The following ASB3 variants were observed in gnomAD, a reference collection of about 807,000 sequenced individuals.
ASB3 encodes ankyrin repeat and SOCS box protein 3.
Under a neutral mutation model 54.5 loss-of-function variants are expected in ASB3, and 41 were observed. That is an observed-to-expected ratio of 0.75 (90% confidence interval 0.59 to 0.98). ASB3 has a LOEUF of 0.98. Among genes scored for constraint, ASB3 ranks in the 50% least tolerant of loss-of-function variants. ASB3 has a pLI of 0.00. For missense variants in ASB3, 733 were observed against 620.0 expected (o/e 1.18, Z -1.94); for synonymous variants, 266 against 221.2 (o/e 1.20, Z -1.80).
intron 8 of ASB3, 96 bp from the exon 9 acceptor site, chr2:53,694,110 A>C: frequency 7.0e-7 from 1 of 1,430,160 alleles, no homozygotes; most frequent in Non-Finnish European, 9.5e-7. Flanking sequence ...ACAAAATCTC[A>C]ATGAGGAGGG....
chr2:53,734,840 C>T (rs568299618), intron 3 of ASB3, among the ~76,000 whole-genome samples: 3 of 152,022 alleles, frequency 2.0e-5, no homozygotes, highest in Non-Finnish European at 4.4e-5. Flanking sequence ...TTCTATCCTA[C>T]TATTTCAGAA....
chr2:53,781,393 C>G (rs886386567), intron 1 of ASB3, among the ~76,000 whole-genome samples: 2 of 141,688 alleles, frequency 1.4e-5, no homozygotes, highest in African/African-American at 2.6e-5. Flanking sequence ...GTCTAGGCAA[C>G]AAAGTGAGAC....
At chr2:53,774,247 A>T in intron 1 of ASB3, 5 of 1,614,154 alleles carry the variant, frequency 3.1e-6, no homozygotes, top group Non-Finnish European at 4.2e-6. Flanking sequence ...CACAACAGTC[A>T]TTTTTTATCC....
At chr2:53,686,672 C>T (rs1317138077) in intron 9 of ASB3, among the ~76,000 whole-genome samples, 4 of 151,008 alleles carry the variant, frequency 2.6e-5, no homozygotes, top group Non-Finnish European at 5.9e-5. Context: ...TAAAAAAAAA[C>T]ACCTCTGTTT....
At chr2:53,774,289 T>C (rs1674171423) in intron 1 of ASB3, 10 of 1,614,136 alleles carry the variant, frequency 6.2e-6, no homozygotes, top group Non-Finnish European at 8.5e-6. Context: ...ATTCAGTGTA[T>C]TGCTATATAT....
At chr2:53,769,460 T>G (rs1053979486) in intron 1 of ASB3, among the ~76,000 whole-genome samples, 1 of 152,250 alleles carries the variant, frequency 6.6e-6, no homozygotes. Context: ...ATGTACAGTG[T>G]GTTACAAAAC....
intron 8 of ASB3, among the ~76,000 whole-genome samples, chr2:53,699,268 C>G (rs530517805): frequency 6.6e-6 from 1 of 152,230 alleles, no homozygotes; most frequent in Admixed American, 6.5e-5. Flanking sequence ...AATATCTCAC[C>G]TCCAAATATC....
chr2:53,735,350 A>G (rs1407726881), intron 3 of ASB3, among the ~76,000 whole-genome samples: 1 of 152,162 alleles, frequency 6.6e-6, no homozygotes, highest in African/African-American at 2.4e-5. Flanking sequence ...ATACCTGCCA[A>G]GTATTTCCAT....
At chr2:53,752,344 G>A (rs1672561716) in intron 2 of ASB3, among the ~76,000 whole-genome samples, 1 of 152,138 alleles carries the variant, frequency 6.6e-6, no homozygotes. Context: ...AAGGTGAGGA[G>A]AGCAGAATTT....
chr2:53,703,494 G>C (rs982975084), intron 7 of ASB3, among the ~76,000 whole-genome samples: 1 of 152,148 alleles, frequency 6.6e-6, no homozygotes, highest in Non-Finnish European at 1.5e-5. Flanking sequence ...GGCACCTTAG[G>C]AGGCCAAGGC....
intron 5 of ASB3, among the ~76,000 whole-genome samples, chr2:53,721,887 G>C (rs1670733000): frequency 6.6e-6 from 1 of 151,740 alleles, no homozygotes; most frequent in African/African-American, 2.4e-5. Flanking sequence ...TCCATACAAA[G>C]GATCAATGAA....
chr2:53,767,656 A>C (rs1368266498), intron 1 of ASB3: 1 of 555,596 alleles, frequency 1.8e-6, no homozygotes, highest in Non-Finnish European at 3.2e-6. Flanking sequence ...ATTGCTTACT[A>C]CACCGAAGGT....
At chr2:53,735,937 AC>A (rs1192642648) in intron 3 of ASB3, among the ~76,000 whole-genome samples, 2 of 151,496 alleles carry the variant, frequency 1.3e-5, no homozygotes, top group Non-Finnish European at 2.9e-5. Context: ...CCCACACAAT[AC>A]CCAATTTCAG....
intron 1 of ASB3, among the ~76,000 whole-genome samples, chr2:53,777,857 G>C (rs576665530): frequency 1.3e-5 from 2 of 152,176 alleles, no homozygotes; most frequent in South Asian, 4.1e-4. Flanking sequence ...AAAAGTGTAA[G>C]CAATCTTGGC....
chr2:53,749,974 G>GT (rs1273202610), intron 3 of ASB3, among the ~76,000 whole-genome samples: 1 of 152,020 alleles, frequency 6.6e-6, no homozygotes, highest in Non-Finnish European at 1.5e-5. Flanking sequence ...AGGAAAAAAA[G>GT]TACTTTCACA....
At chr2:53,718,666 A>G (rs568537700) in intron 5 of ASB3, among the ~76,000 whole-genome samples, 1 of 152,202 alleles carries the variant, frequency 6.6e-6, no homozygotes, top group Non-Finnish European at 1.5e-5. Context: ...TCACATATCA[A>G]TATTAACCTT....
intron 1 of ASB3, among the ~76,000 whole-genome samples, chr2:53,782,531 T>G (rs1674707228): frequency 6.6e-6 from 1 of 152,186 alleles, no homozygotes; most frequent in Non-Finnish European, 1.5e-5. Context: ...CCACAGCCCT[T>G]TACACACAAA....
At chr2:53,708,915 C>T (rs1669940280) in intron 7 of ASB3, among the ~76,000 whole-genome samples, 1 of 152,170 alleles carries the variant, frequency 6.6e-6, no homozygotes, top group African/African-American at 2.4e-5. Flanking sequence ...AATGTTGGAA[C>T]TTACATTTAA....
At chr2:53,695,042 A>C (rs1385977778) in intron 8 of ASB3, among the ~76,000 whole-genome samples, 1 of 152,114 alleles carries the variant, frequency 6.6e-6, no homozygotes, top group African/African-American at 2.4e-5. Flanking sequence ...GGTTGGAGAA[A>C]AAAAAGTCAC....
Sources: allele counts gnomAD v4.1 joint callset (sites outside exome capture counted in the v4.1 genomes callset), GRCh38; gene constraint gnomAD v4.1.1; transcripts MANE v1.5; gene names NCBI Gene and HGNC (gene_info 2026-07-23, HGNC 2026-07-21).